TMEM108: variants seen among roughly 807,000 people sequenced by gnomAD.
TMEM108 encodes cancer/testis antigen 124.
TMEM108 carries 12 observed loss-of-function variants against 35.1 expected under a neutral mutation model. The observed-to-expected ratio is 0.34, with a 90% CI of 0.22 to 0.55. The LOEUF (loss-of-function observed/expected upper bound fraction) is 0.55, where lower values mean the gene tolerates loss of function less well. TMEM108 is among the 20% of genes least tolerant of loss of function. TMEM108 has a pLI of 0.89. For missense variants in TMEM108, 680 were observed against 753.3 expected, an observed-to-expected ratio of 0.90 and a Z score of 1.14; for synonymous variants, 287 against 308.6, an observed-to-expected ratio of 0.93 and a Z score of 0.73.
chr3:133,335,436 TTA>T (rs1299670397), intron 3 of TMEM108, among the ~76,000 whole-genome samples: 1 of 152,220 alleles, frequency 6.6e-6, no homozygotes, highest in African/African-American at 2.4e-5. Context: ...GAGGATTGTT[TTA>T]TAAAAGTTGC....
intron 2 of TMEM108, among the ~76,000 whole-genome samples, chr3:133,049,792 G>A (rs1184232433): frequency 1.3e-5 from 2 of 152,130 alleles, no homozygotes; most frequent in African/African-American, 2.4e-5. Flanking sequence ...ACTGCCTAGA[G>A]CTTTACAAAG....
chr3:133,056,829 C>G (rs1943471160), intron 2 of TMEM108, among the ~76,000 whole-genome samples: 1 of 152,194 alleles, frequency 6.6e-6, no homozygotes, highest in African/African-American at 2.4e-5. Context: ...TGTCTGCAAC[C>G]TTGAGCACTA....
Position 133,380,933 on chromosome 3 carries a change from C to G in TMEM108, c.1222C>G (p.Leu408Val), listed in dbSNP as rs370528059. 145 of 1,614,100 alleles carry G rather than the reference C, an allele frequency of 9.0e-5. 1 individual carries two copies. Among genetic ancestry groups the G allele is most frequent in the Non-Finnish European group, 1.2e-4 (142 of 1,180,038 alleles). The change falls in exon 4 of 6, where the codon CTC (leucine) becomes GTC (valine). Residue 408 changes from leucine (L) to valine (V), a missense_variant. This residue lies in a region of TMEM108 where 526 missense variants were observed against 532.1 expected (regional missense o/e 0.99). Coordinates refer to ENST00000321871, the MANE Select transcript of TMEM108 (RefSeq NM_023943.4). The surrounding 1 kb of genome is among the most constrained non-coding windows in gnomAD (Gnocchi z 5.3). ...AGCCAAGGAGGAGACTGTGGCCACC[C>G]TCACCATGACCGACCGGGTGCCCAG... ...SGAKEETVAT[L>V]TMTDRVPSPL...
At chr3:133,156,088 A>ATTTATTTAT (rs1944877926) in intron 2 of TMEM108, among the ~76,000 whole-genome samples, 2 of 149,282 alleles carry the variant, frequency 1.3e-5, no homozygotes, top group South Asian at 2.1e-4. Context: ...TTATTTATTT[A>ATTTATTTAT]TTCTTTTTGG....
At chr3:133,045,134 A>AT (rs1324266136) in intron 1 of TMEM108, among the ~76,000 whole-genome samples, 4 of 151,852 alleles carry the variant, frequency 2.6e-5, no homozygotes, top group Admixed American at 2.0e-4. Context: ...TGCCCGGCTA[A>AT]TTTTTTGTAT....
At chr3:133,076,564 A>G (rs1179853709) in intron 2 of TMEM108, among the ~76,000 whole-genome samples, 2 of 152,186 alleles carry the variant, frequency 1.3e-5, no homozygotes, top group South Asian at 2.1e-4. Context: ...CAGATGCAGT[A>G]TGTGTAATAA....
intron 2 of TMEM108, among the ~76,000 whole-genome samples, chr3:133,203,609 A>G (rs965096438): frequency 1.3e-5 from 2 of 152,088 alleles, no homozygotes; most frequent in East Asian, 3.9e-4. Context: ...ATTGATTTGC[A>G]TATGTTGAAC....
intron 3 of TMEM108, among the ~76,000 whole-genome samples, chr3:133,251,610 C>T (rs147561577): frequency 1.1e-3 from 162 of 152,222 alleles, no homozygotes; most frequent in African/African-American, 3.9e-3. Context: ...TCTTCAATGC[C>T]GGCCTTCAAG....
intron 3 of TMEM108, among the ~76,000 whole-genome samples, chr3:133,305,454 T>C (rs979715963): frequency 4.6e-5 from 7 of 151,822 alleles, no homozygotes; most frequent in South Asian, 2.1e-4. Context: ...GCATGGCACA[T>C]GTATACATAT....
chr3:133,390,423 T>C lies in TMEM108; in HGVS notation c.1605+89T>C, dbSNP rs949121644. 7.6e-6 allele frequency: 11 copies of C among 1,451,498 alleles called. 1 individual carries two copies. The Admixed American group carries it at 1.8e-4, about 24-fold the overall frequency. The allele number at this position is 1,451,498 out of a possible 1,614,324, so 89.9% of individuals were successfully genotyped here. On this transcript the variant is annotated intron_variant, in intron 5 of 5. Coordinates refer to ENST00000321871, the MANE Select transcript of TMEM108 (RefSeq NM_023943.4). ...ATCTGCTCATTTCTGAGTGCCTTGC[T>C]CCTTAACGTATGGCCCATGGACCAG...
At chr3:133,148,237 C>G (rs907490337) in intron 2 of TMEM108, among the ~76,000 whole-genome samples, 1 of 152,122 alleles carries the variant, frequency 6.6e-6, no homozygotes, top group Non-Finnish European at 1.5e-5. Flanking sequence ...ACAAGAGGAA[C>G]TGAGAGCATC....
chr3:133,077,839 A>G (rs1943760317), intron 2 of TMEM108, among the ~76,000 whole-genome samples: 1 of 152,058 alleles, frequency 6.6e-6, no homozygotes, highest in East Asian at 1.9e-4. Flanking sequence ...GTAAATAGGT[A>G]CTTGGCCAGG....
intron 3 of TMEM108, among the ~76,000 whole-genome samples, chr3:133,267,214 A>G (rs1229206296): frequency 6.6e-6 from 1 of 152,150 alleles, no homozygotes; most frequent in Non-Finnish European, 1.5e-5. Context: ...GTACTCTGGC[A>G]CTGAGGATAC....
intron 3 of TMEM108, among the ~76,000 whole-genome samples, chr3:133,348,116 A>AGG (rs908333050): frequency 6.7e-6 from 1 of 148,426 alleles, no homozygotes; most frequent in Non-Finnish European, 1.5e-5. Context: ...AAGAGTAATG[A>AGG]GGGGGGGGCC....
chr3:133,359,570 T>C (rs890314139), intron 3 of TMEM108, among the ~76,000 whole-genome samples: 1 of 152,132 alleles, frequency 6.6e-6, no homozygotes, highest in Non-Finnish European at 1.5e-5. Flanking sequence ...TCTGGAAAGG[T>C]CCATGAGGAA....
chr3:133,186,185 T>A (rs1945418465), intron 2 of TMEM108, among the ~76,000 whole-genome samples: 1 of 152,216 alleles, frequency 6.6e-6, no homozygotes, highest in African/African-American at 2.4e-5. Flanking sequence ...TGTGTTACTG[T>A]TTTCTCTAGA....
At chr3:133,293,142 T>G (rs1947096921) in intron 3 of TMEM108, among the ~76,000 whole-genome samples, 1 of 152,102 alleles carries the variant, frequency 6.6e-6, no homozygotes, top group Non-Finnish European at 1.5e-5. Flanking sequence ...TAAATACCTT[T>G]TAGGAAATGT....
At chr3:133,285,557 G>A (rs1027339133) in intron 3 of TMEM108, among the ~76,000 whole-genome samples, 8 of 152,180 alleles carry the variant, frequency 5.3e-5, no homozygotes, top group African/African-American at 1.4e-4. Flanking sequence ...TGATCAGACC[G>A]TGTCTTTGTT....
intron 3 of TMEM108, among the ~76,000 whole-genome samples, chr3:133,232,434 CA>C (rs1440643112): frequency 6.6e-6 from 1 of 152,178 alleles, no homozygotes; most frequent in Non-Finnish European, 1.5e-5. Flanking sequence ...CCAGTGGAAG[CA>C]GCTTGAGGCC....
Sources: allele counts gnomAD v4.1 joint callset (sites outside exome capture counted in the v4.1 genomes callset), GRCh38; gene constraint gnomAD v4.1.1; regional missense constraint gnomAD v4.1.1; non-coding constraint Gnocchi (gnomAD v3.1); transcripts MANE v1.5; gene names NCBI Gene and HGNC (gene_info 2026-07-23, HGNC 2026-07-21).